Variants in TDRP observed in about 807,000 individuals in gnomAD.
TDRP encodes testis development related protein.
TDRP carries 12 observed loss-of-function variants against 10.5 expected under a neutral mutation model. The ratio of observed to expected loss-of-function variants is 1.15; its 90% CI spans 0.73 to 1.86. TDRP has a LOEUF of 1.86. Ranked by LOEUF, TDRP falls within the 40% of genes most tolerant of loss-of-function variation. The pLI, the probability that TDRP is intolerant of heterozygous loss-of-function variation, is 0.00. For synonymous variants in TDRP, 139 were observed against 95.4 expected, an observed-to-expected ratio of 1.46 and a Z score of -2.67; for missense variants, 353 against 229.2, an observed-to-expected ratio of 1.54 and a Z score of -3.49.
intron 1 of TDRP, among the ~76,000 whole-genome samples, chr8:508,464 A>T (rs139851173): frequency 6.6e-6 from 1 of 152,340 alleles, no homozygotes; most frequent in East Asian, 1.9e-4. Flanking sequence ...AGGCAAAGGC[A>T]TATCTAATAT....
chr8:510,387 G>C (rs534259038), intron 1 of TDRP, among the ~76,000 whole-genome samples: 11 of 152,046 alleles, frequency 7.2e-5, no homozygotes, highest in Non-Finnish European at 1.3e-4. Context: ...AATCCCAAGA[G>C]TTTTTGAACC....
chr8:517,521 T>A (rs4735853), intron 1 of TDRP, among the ~76,000 whole-genome samples: 1 of 151,976 alleles, frequency 6.6e-6, no homozygotes, highest in Non-Finnish European at 1.5e-5. Context: ...CATTCCTTTC[T>A]GACTTCAGGC....
chr8:507,713 G>A (rs936598346), intron 1 of TDRP, among the ~76,000 whole-genome samples: 1 of 152,122 alleles, frequency 6.6e-6, no homozygotes, highest in Non-Finnish European at 1.5e-5. Flanking sequence ...AGCAAATAAA[G>A]AGGCAAATAA....
At chr8:512,189 G>T (rs1171104447) in intron 1 of TDRP, among the ~76,000 whole-genome samples, 1 of 151,976 alleles carries the variant, frequency 6.6e-6, no homozygotes, top group Non-Finnish European at 1.5e-5. Flanking sequence ...AAATTGGAAG[G>T]CCACAGCAGG....
chr8:544,919 C>T (rs1802600013), upstream of TDRP: 1 of 405,706 alleles, frequency 2.5e-6, no homozygotes, highest in African/African-American at 2.1e-5. Flanking sequence ...GGCCCGCCCC[C>T]TCCCCACCAG....
chr8:530,731 C>T (rs943538323), intron 1 of TDRP, among the ~76,000 whole-genome samples: 1 of 152,198 alleles, frequency 6.6e-6, no homozygotes, highest in Non-Finnish European at 1.5e-5. Flanking sequence ...AGCCCCCAGA[C>T]ATCCAACATA....
intron 1 of TDRP, among the ~76,000 whole-genome samples, chr8:510,561 G>A (rs896331442): frequency 5.3e-5 from 8 of 152,140 alleles, no homozygotes; most frequent in African/African-American, 1.9e-4. Context: ...ATGAATGCCG[G>A]AAGGCAGTGG....
intron 1 of TDRP, among the ~76,000 whole-genome samples, chr8:511,376 G>A (rs78047614): frequency 6.6e-6 from 1 of 151,722 alleles, no homozygotes; most frequent in South Asian, 2.1e-4. Context: ...TGTTGCTAAA[G>A]AGAATTTCAT....
chr8:532,664 G>C (rs1802238301), intron 1 of TDRP, among the ~76,000 whole-genome samples: 1 of 152,166 alleles, frequency 6.6e-6, no homozygotes. Flanking sequence ...ATTTATTTCT[G>C]AGTTTAGCAT....
chr8:530,949 G>C (rs73529978), intron 1 of TDRP, among the ~76,000 whole-genome samples: 47 of 152,242 alleles, frequency 3.1e-4, no homozygotes, highest in Non-Finnish European at 5.4e-4. Flanking sequence ...GCTGCAAAAA[G>C]CCAGTTAACT....
At chr8:498,326 A>G (rs558749080) in intron 1 of TDRP, among the ~76,000 whole-genome samples, 1 of 152,322 alleles carries the variant, frequency 6.6e-6, no homozygotes, top group South Asian at 2.1e-4. Context: ...CCCTTGCATC[A>G]GCATGCCCTG....
intron 1 of TDRP, among the ~76,000 whole-genome samples, chr8:510,058 T>C (rs775975227): frequency 2.6e-5 from 4 of 152,160 alleles, no homozygotes; most frequent in Non-Finnish European, 5.9e-5. Flanking sequence ...CACAGAGCTG[T>C]GCCCACTCCC....
rs147256584 is a variant in TDRP at position 538,646 on chromosome 8, A to G, written c.108+6004T>C. ...ACCAAGTCCAAATCTAAACTACCCA[A>G]CTGTATTTTCATGCAAATACAGTTA... is the stretch of plus-strand genomic sequence containing the variant. On this transcript the variant is annotated intron_variant, in intron 1 of 2. Transcript: ENST00000324079. Among the ~76,000 whole-genome samples, 3 of 152,328 alleles carry G rather than the reference A, an allele frequency of 2.0e-5. No homozygotes were observed. The East Asian group carries it at 5.8e-4, about 29-fold the overall frequency.
intron 1 of TDRP, among the ~76,000 whole-genome samples, chr8:524,006 T>C (rs537560311): frequency 6.6e-6 from 1 of 152,232 alleles, no homozygotes; most frequent in African/African-American, 2.4e-5. Context: ...GATCCAGAGC[T>C]GTCCTAGCTT....
At chr8:517,112 C>T (rs1008132306) in intron 1 of TDRP, among the ~76,000 whole-genome samples, 1 of 152,182 alleles carries the variant, frequency 6.6e-6, no homozygotes, top group Admixed American at 6.5e-5. Context: ...CCCTTTGGCG[C>T]TCAGGCAAAA....
At chr8:518,295 G>C (rs1328886666) in intron 1 of TDRP, among the ~76,000 whole-genome samples, 1 of 152,138 alleles carries the variant, frequency 6.6e-6, no homozygotes, top group South Asian at 2.1e-4. Flanking sequence ...ATAAAAAAGA[G>C]TCTATTGAAA....
chr8:510,184 G>A (rs1256634052), intron 1 of TDRP, among the ~76,000 whole-genome samples: 1 of 152,122 alleles, frequency 6.6e-6, no homozygotes, highest in Non-Finnish European at 1.5e-5. Context: ...ACGCATAATT[G>A]GTTAAATAAT....
At position 490,803 on chromosome 8, in the gene TDRP, A is replaced by C. The variant is rs1392298289; in HGVS notation, c.*1596T>G. On this transcript the variant is annotated 3_prime_UTR_variant, in exon 3 of 3. Coordinates refer to ENST00000324079, the MANE Select transcript of TDRP (RefSeq NM_001384899.1). ...CTTCACCATTTCAAGGTTCTAATAC[A>C]AGCTGGAATTTTTGTTTGAACACCA... The C allele has an allele frequency of 1.3e-5, 2 of 152,216 alleles. No homozygotes were observed. Among genetic ancestry groups the C allele is most frequent in the African/African-American group, 2.4e-5 (1 of 41,448 alleles). The allele number at this position is 152,216 out of a possible 1,614,324, so 9.4% of individuals were successfully genotyped here.
At chr8:526,599 G>C (rs1802041077) in intron 1 of TDRP, among the ~76,000 whole-genome samples, 1 of 152,064 alleles carries the variant, frequency 6.6e-6, no homozygotes, top group South Asian at 2.1e-4. Flanking sequence ...GTAGAATTTG[G>C]TTTGCCAGTA....
Sources: allele counts gnomAD v4.1 joint callset (sites outside exome capture counted in the v4.1 genomes callset), GRCh38; gene constraint gnomAD v4.1.1; transcripts MANE v1.5; gene names NCBI Gene and HGNC (gene_info 2026-07-23, HGNC 2026-07-21).